The following ESR1 variants were observed in gnomAD, a reference collection of about 807,000 sequenced individuals.
ESR1 encodes the protein estrogen receptor 1.
ESR1 carries 12 observed loss-of-function variants against 52.7 expected under a neutral mutation model. The observed-to-expected ratio is 0.23, with a 90% CI of 0.15 to 0.37. The LOEUF (loss-of-function observed/expected upper bound fraction) is 0.37, where lower values mean the gene tolerates loss of function less well. Among genes scored for constraint, ESR1 ranks in the 10% least tolerant of loss-of-function variants. The pLI is 1.00. For synonymous variants in ESR1, 305 were observed against 316.8 expected, an observed-to-expected ratio of 0.96 and a Z score of 0.39; for missense variants, 584 against 779.7, an observed-to-expected ratio of 0.75 and a Z score of 2.99.
intron 5 of ESR1, among the ~76,000 whole-genome samples, chr6:152,036,117 C>T (rs1171504436): frequency 2.5e-5 from 3 of 117,996 alleles, no homozygotes; most frequent in East Asian, 3.0e-4. Flanking sequence ...CGCCTGTAAT[C>T]CCAGGAGGCC....
chr6:151,982,282 A>G (rs1488749278), intron 4 of ESR1, among the ~76,000 whole-genome samples: 38 of 152,346 alleles, frequency 2.5e-4, no homozygotes, highest in Admixed American at 2.5e-3. Context: ...GGTGTATTCC[A>G]TGACTTTTTA....
intron 4 of ESR1, among the ~76,000 whole-genome samples, chr6:151,951,802 C>T (rs996708142): frequency 2.6e-5 from 4 of 152,192 alleles, no homozygotes; most frequent in African/African-American, 4.8e-5. Context: ...ACAAACTAGC[C>T]GTTTTCCTCT....
intron 3 of ESR1, among the ~76,000 whole-genome samples, chr6:151,907,200 G>T (rs531229662): frequency 5.2e-4 from 79 of 152,086 alleles, no homozygotes; most frequent in African/African-American, 1.8e-3. Flanking sequence ...CTTCAAAATT[G>T]TTTTGGCTAT....
chr6:151,937,118 CTA>C (rs1429317393), intron 3 of ESR1, among the ~76,000 whole-genome samples: 12 of 152,244 alleles, frequency 7.9e-5, no homozygotes, highest in Admixed American at 2.0e-4. Flanking sequence ...TAGTTTGAGA[CTA>C]TGTGTGGAAA....
At chr6:151,883,586 C>G (rs137922819) in intron 3 of ESR1, among the ~76,000 whole-genome samples, 32 of 151,922 alleles carry the variant, frequency 2.1e-4, no homozygotes, top group Non-Finnish European at 4.3e-4. Context: ...CCTTAGTTAC[C>G]GCCAAAAAGG....
rs74745546 is a variant in ESR1 at position 151,908,191 on chromosome 6, C to A, written c.760+27420C>A. On this transcript the variant is annotated intron_variant, in intron 3 of 7. Coordinates refer to ENST00000206249, the MANE Select transcript of ESR1 (RefSeq NM_000125.4). ...TTCTTATATAGGTTTAGTAGGATAA[C>A]ATTTCTCCTTCATTTCTTTCATTTT... Among the ~76,000 whole-genome samples, 1,201 of 152,162 alleles carry A rather than the reference C, an allele frequency of 7.9e-3. 23 individuals are homozygous for A. The highest frequency in any genetic ancestry group is 0.028 in the African/African-American group (1,161 of 41,496).
rs1257858101 is a variant in ESR1, at chr6:152,128,740, G to T, written c.*3392G>T. 5 of 152,168 alleles carry T rather than the reference G, an allele frequency of 3.3e-5. No individual in the cohort carries two copies. In the East Asian group the frequency reaches 9.6e-4, roughly 29 times the overall value. 9.4% of individuals were successfully genotyped at this position (152,168 alleles called of 1,614,324 possible). ...GCTTCTGCAATAACCTTTCCAATTTGCTGGACCAGTGCAAGATTAAACACG... is the reference window on the plus strand; with the variant it reads ...GCTTCTGCAATAACCTTTCCAATTTTCTGGACCAGTGCAAGATTAAACACG... On this transcript the variant is annotated 3_prime_UTR_variant, in exon 7 of 7. Transcript: ENST00000427531.
chr6:152,002,966 A>G (rs557023978), intron 4 of ESR1, among the ~76,000 whole-genome samples: 8 of 152,082 alleles, frequency 5.3e-5, no homozygotes, highest in Non-Finnish European at 1.2e-4. Context: ...TTATTTGGGG[A>G]TGAGGGTGGG....
At chr6:151,772,030 C>G (rs1401248136) in intron 2 of ESR1, among the ~76,000 whole-genome samples, 5 of 152,222 alleles carry the variant, frequency 3.3e-5, no homozygotes, top group African/African-American at 7.2e-5. Context: ...AACAGCTCAA[C>G]CTTCCCACCT....
At chr6:151,996,908 G>C (rs2041536980) in intron 4 of ESR1, among the ~76,000 whole-genome samples, 1 of 152,002 alleles carries the variant, frequency 6.6e-6, no homozygotes, top group Non-Finnish European at 1.5e-5. Flanking sequence ...ACAAGTAGGA[G>C]ACCATCCACT....
chr6:151,731,367 A>G (rs2128040407), intron 2 of ESR1, among the ~76,000 whole-genome samples: 1 of 152,016 alleles, frequency 6.6e-6, no homozygotes, highest in Middle Eastern at 3.4e-3. Context: ...CAAGAAAAAA[A>G]AAAAAGAAAT....
At chr6:151,700,860 C>T (rs1328318293) in intron 1 of ESR1, among the ~76,000 whole-genome samples, 1 of 151,958 alleles carries the variant, frequency 6.6e-6, no homozygotes, top group Non-Finnish European at 1.5e-5. Context: ...ATTTTAAAAA[C>T]AAACCAAAAA....
At chr6:152,125,020 G>A (rs1333279004) in intron 6 of ESR1, among the ~76,000 whole-genome samples, 1 of 152,230 alleles carries the variant, frequency 6.6e-6, no homozygotes, top group Non-Finnish European at 1.5e-5. Flanking sequence ...TCAGGGAAGT[G>A]AAATAACTGG....
intron 4 of ESR1, among the ~76,000 whole-genome samples, chr6:151,961,696 G>T (rs2037685008): frequency 6.6e-6 from 1 of 152,172 alleles, no homozygotes; most frequent in African/African-American, 2.4e-5. Flanking sequence ...TTGGGAGCAA[G>T]TTCATCAGCT....
intron 4 of ESR1, among the ~76,000 whole-genome samples, chr6:151,964,808 A>AT (rs1237937955): frequency 2.6e-5 from 4 of 151,748 alleles, no homozygotes; most frequent in Non-Finnish European, 4.4e-5. Flanking sequence ...CGCCCAGCTA[A>AT]TTTTTTTGTA....
intron 3 of ESR1, among the ~76,000 whole-genome samples, chr6:151,895,360 C>T (rs1416730137): frequency 6.6e-6 from 1 of 152,004 alleles, no homozygotes; most frequent in Non-Finnish European, 1.5e-5. Flanking sequence ...AGTTTGAATT[C>T]CTCTTTACTA....
At chr6:151,789,414 TA>T (rs1477182674) in intron 2 of ESR1, among the ~76,000 whole-genome samples, 1 of 152,094 alleles carries the variant, frequency 6.6e-6, no homozygotes, top group East Asian at 1.9e-4. Context: ...ATGGGAAAAA[TA>T]AGATATGTTC....
At chr6:151,913,309 TC>T (rs1405347906) in intron 3 of ESR1, among the ~76,000 whole-genome samples, 1 of 152,038 alleles carries the variant, frequency 6.6e-6, no homozygotes, top group Non-Finnish European at 1.5e-5. Flanking sequence ...ATTGGGTTCC[TC>T]CCCCACACGT....
chr6:151,926,436 T>C (rs561777401), intron 3 of ESR1, among the ~76,000 whole-genome samples: 127 of 152,274 alleles, frequency 8.3e-4, no homozygotes, highest in African/African-American at 3.0e-3. Flanking sequence ...TTGGGAAGAA[T>C]TGACATTTTA....
Sources: gnomAD v4.1 joint callset for allele counts (sites outside exome capture counted in the v4.1 genomes callset) on GRCh38, gnomAD v4.1.1 for gene constraint, MANE v1.5 for transcripts, NCBI Gene and HGNC (gene_info 2026-07-23, HGNC 2026-07-21) for gene names.